SAMD4B: variants seen among roughly 807,000 people sequenced by gnomAD.
SAMD4B encodes the protein protein Smaug homolog 2.
A neutral mutation model predicts 74.5 loss-of-function variants in SAMD4B; 5 were observed. That is an observed-to-expected ratio of 0.07 (90% CI 0.04 to 0.14). The LOEUF (loss-of-function observed/expected upper bound fraction) is 0.14, where lower values mean the gene tolerates loss of function less well. SAMD4B is among the 10% of genes least tolerant of loss of function. The pLI is 1.00. For missense variants in SAMD4B, 608 were observed against 921.8 expected (o/e 0.66, Z 4.41); for synonymous variants, 373 against 374.9 (o/e 1.00, Z 0.06).
At chr19:39,363,853 C>T (rs79299674) in intron 3 of SAMD4B, among the ~76,000 whole-genome samples, 2,490 of 152,262 alleles carry the variant, frequency 0.016, 63 homozygotes, top group African/African-American at 0.056. Flanking sequence ...TGCAGGTATT[C>T]GTTGGGCCTC....
At chr19:39,362,545 GGAA>G (rs1321769884) in intron 3 of SAMD4B, among the ~76,000 whole-genome samples, 2 of 152,148 alleles carry the variant, frequency 1.3e-5, no homozygotes, top group East Asian at 3.9e-4. Context: ...TCTGGAACAG[GGAA>G]GAAGAGGTCC....
At chr19:39,366,317 A>G (rs564065141) in intron 3 of SAMD4B, among the ~76,000 whole-genome samples, 1 of 151,678 alleles carries the variant, frequency 6.6e-6, no homozygotes, top group Admixed American at 6.6e-5. Context: ...CTCCATCAAA[A>G]AAAAATAGCC....
chr19:39,348,107 TG>T (rs1319991248), intron 1 of SAMD4B, among the ~76,000 whole-genome samples: 2 of 152,160 alleles, frequency 1.3e-5, no homozygotes, highest in Non-Finnish European at 2.9e-5. Flanking sequence ...TGGGAAGATC[TG>T]GGAGTGGAAC....
chr19:39,386,577 A>C (rs758936359), downstream of SAMD4B: 1 of 1,613,854 alleles, frequency 6.2e-7, no homozygotes, highest in South Asian at 1.1e-5. This position sits in a 1 kb window ranked among gnomAD's most constrained non-coding sequence, Gnocchi z 6.1. Context: ...TGCCTCCTGG[A>C]AGCAGCAAGA....
In SAMD4B at chr19:39,383,478, T is replaced by C; in HGVS notation, c.2057-21T>C. 6.2e-7 allele frequency: 1 copy of C among 1,613,264 alleles called. No homozygotes were observed. Among genetic ancestry groups the C allele is most frequent in the Non-Finnish European group, 8.5e-7 (1 of 1,179,230 alleles). On this transcript the variant is annotated intron_variant, in intron 13 of 13. Coordinates refer to ENST00000610417, the MANE Select transcript of SAMD4B (RefSeq NM_001384574.2). This position sits in a 1 kb window ranked among gnomAD's most constrained non-coding sequence, Gnocchi z 4.1. The stretch of plus-strand genomic sequence containing the variant: ...CCCTCCAGCTCCTGATCTTCCTCCC[T>C]TCCTCCCTTTCTTACCACAGATGGG...
At chr19:39,371,667 A>G (rs2077305399) in intron 4 of SAMD4B, among the ~76,000 whole-genome samples, 2 of 152,048 alleles carry the variant, frequency 1.3e-5, no homozygotes, top group South Asian at 4.1e-4. Flanking sequence ...AAATATAAAA[A>G]TTAGCTGGGT....
In SAMD4B at chr19:39,384,890, G is replaced by A. The variant is rs1336581772; in HGVS notation, c.*1363G>A. On this transcript the variant is annotated 3_prime_UTR_variant, in exon 14 of 14. Coordinates refer to ENST00000610417, the MANE Select transcript of SAMD4B (RefSeq NM_001384574.2). ...GTGTATGTTATTAAAGATACAAAAT[G>A]TTGGGAAAAAAACAAAAAAAACAAA... 1.3e-5 allele frequency: 2 copies of A among 151,576 alleles called. No individual in the cohort carries two copies. The highest frequency in any genetic ancestry group is 1.9e-4 in the East Asian group (1 of 5,176). The allele number at this position is 151,576 out of a possible 1,614,324, so 9.4% of individuals were successfully genotyped here. A position where few individuals can be genotyped will look rare whatever the true frequency, so the allele number is the denominator to read the frequency against.
intron 4 of SAMD4B, among the ~76,000 whole-genome samples, chr19:39,373,763 AC>A (rs1214185141): frequency 6.6e-6 from 1 of 151,784 alleles, no homozygotes; most frequent in Admixed American, 6.6e-5. Flanking sequence ...GGAGTTCAAG[AC>A]CAGCCTAAGC....
chr19:39,369,535 AAAG>A (rs1475142597), intron 3 of SAMD4B, 117 bp from the exon 4 acceptor site: 2 of 776,190 alleles, frequency 2.6e-6, no homozygotes, highest in Non-Finnish European at 4.1e-6. Flanking sequence ...GGAGTTATGA[AAAG>A]AAAATCGTTA....
At chr19:39,380,494 C>A in intron 10 of SAMD4B, 93 bp from the exon 11 acceptor site, 1 of 1,339,304 alleles carries the variant, frequency 7.5e-7, no homozygotes, top group Non-Finnish European at 1.1e-6. Context: ...ATGTTCTCTC[C>A]TACAACTTGG....
intron 4 of SAMD4B, among the ~76,000 whole-genome samples, chr19:39,370,370 A>C (rs1376150557): frequency 6.6e-6 from 1 of 152,206 alleles, no homozygotes; most frequent in African/African-American, 2.4e-5. Flanking sequence ...AATAAATGTG[A>C]GTGGTACAAA....
intron 1 of SAMD4B, among the ~76,000 whole-genome samples, chr19:39,345,443 C>T (rs1425150886): frequency 1.3e-5 from 2 of 152,172 alleles, no homozygotes; most frequent in Non-Finnish European, 2.9e-5. Flanking sequence ...CCACTACCAG[C>T]CTTTGGTGCT....
At chr19:39,363,871 C>G (rs1013512472) in intron 3 of SAMD4B, among the ~76,000 whole-genome samples, 1 of 152,228 alleles carries the variant, frequency 6.6e-6, no homozygotes, top group East Asian at 1.9e-4. Context: ...CTCTGCTGTG[C>G]CTCCACTCTG....
intron 3 of SAMD4B, among the ~76,000 whole-genome samples, chr19:39,363,839 A>G (rs1031396516): frequency 6.6e-6 from 1 of 152,208 alleles, no homozygotes; most frequent in South Asian, 2.1e-4. Context: ...TCTGGGTTCA[A>G]TTGTGCAGGT....
intron 3 of SAMD4B, among the ~76,000 whole-genome samples, chr19:39,366,288 C>T (rs2145609283): frequency 6.6e-6 from 1 of 152,192 alleles, no homozygotes; most frequent in Middle Eastern, 3.4e-3. Flanking sequence ...TGCACTCCAG[C>T]CTGGGCAACA....
chr19:39,385,550 C>T lies in SAMD4B; in HGVS notation c.*2023C>T, dbSNP rs1317481007. Reference sequence around the variant, plus strand: ...CTCCTCCATGATTTCACCCTCCCTACCCACTTCTGTCCCCGGCCCCACTGG... The same window carrying T: ...CTCCTCCATGATTTCACCCTCCCTATCCACTTCTGTCCCCGGCCCCACTGG... On this transcript the variant is annotated 3_prime_UTR_variant, in exon 14 of 14. Coordinates refer to ENST00000610417, the MANE Select transcript of SAMD4B (RefSeq NM_001384574.2). 4.1e-6 allele frequency: 2 copies of T among 492,834 alleles called. No homozygotes were observed. The highest frequency in any genetic ancestry group is 3.9e-5 in the African/African-American group (2 of 50,834). The allele number at this position is 492,834 out of a possible 1,614,324, so 30.5% of individuals were successfully genotyped here.
At chr19:39,376,909 T>C (rs950068762) in intron 7 of SAMD4B, 118 bp downstream of exon 7, 1 of 791,276 alleles carries the variant, frequency 1.3e-6, no homozygotes, top group African/African-American at 1.7e-5. Flanking sequence ...TTCCCAGCCC[T>C]AGGGACCCAG....
chr19:39,376,404 T>G (rs993943620), intron 5 of SAMD4B, 33 bp from the exon 6 acceptor site: 5 of 1,566,148 alleles, frequency 3.2e-6, no homozygotes, highest in Admixed American at 3.3e-5. Flanking sequence ...TGGGCCAAAC[T>G]CCTGACCTTT....
downstream of SAMD4B, chr19:39,386,105 C>T (rs576597418): frequency 1.4e-4 from 230 of 1,614,080 alleles, no homozygotes; most frequent in Non-Finnish European, 1.9e-4. This position sits in a 1 kb window ranked among gnomAD's most constrained non-coding sequence, Gnocchi z 6.1. Context: ...GGCTGTGGCT[C>T]CGGCTCCGCT....
Sources: gnomAD v4.1 joint callset for allele counts (sites outside exome capture counted in the v4.1 genomes callset) on GRCh38, gnomAD v4.1.1 for gene constraint, Gnocchi (gnomAD v3.1) non-coding constraint, MANE v1.5 for transcripts, NCBI Gene and HGNC (gene_info 2026-07-23, HGNC 2026-07-21) for gene names.